The following WNK3 variants were observed in gnomAD, a reference collection of about 807,000 sequenced individuals.
The protein encoded by WNK3 is WNK lysine deficient protein kinase 3, also known as serine/threonine-protein kinase WNK3.
Under a neutral mutation model 116.7 loss-of-function variants are expected in WNK3, and 18 were observed. The ratio of observed to expected loss-of-function variants is 0.15; its 90% CI spans 0.11 to 0.23. The LOEUF is 0.23. WNK3 is among the 10% of genes least tolerant of loss of function. The pLI is 1.00. For missense variants in WNK3, 993 were observed against 1,323.8 expected, an observed-to-expected ratio of 0.75 and a Z score of 3.88; for synonymous variants, 404 against 469.4, an observed-to-expected ratio of 0.86 and a Z score of 1.80.
chrX:54,254,160 G>A lies in WNK3; in HGVS notation c.2251-85C>T, dbSNP rs782673801. On this transcript the variant is annotated intron_variant, in intron 12 of 23. Transcript: ENST00000354646. Reference sequence around the variant, plus strand: ...GCAAGGAACATCTACACTAGTTCACGTACAATATATGTGGAAAATGGCTTA... The same window carrying A: ...GCAAGGAACATCTACACTAGTTCACATACAATATATGTGGAAAATGGCTTA... 59 of 545,933 alleles carry A rather than the reference G, an allele frequency of 1.1e-4. No individual in the cohort carries two copies. The Admixed American group carries it at 1.2e-3, about 11-fold the overall frequency. The allele number at this position is 545,933 out of a possible 1,213,427, so 45.0% of individuals were successfully genotyped here. A position where few individuals can be genotyped will look rare whatever the true frequency, so the allele number is the denominator to read the frequency against.
At chrX:54,321,032 G>A (rs1481226247) in intron 2 of WNK3, among the ~76,000 whole-genome samples, 1 of 109,954 alleles carries the variant, frequency 9.1e-6, no homozygotes. Flanking sequence ...GAGTAGCTGG[G>A]ATTACAGGCA....
intron 10 of WNK3, among the ~76,000 whole-genome samples, chrX:54,275,560 CA>C (rs1229762209): frequency 4.8e-5 from 5 of 105,073 alleles, no homozygotes; most frequent in African/African-American, 1.7e-4. Context: ...CATGACCAAG[CA>C]AAAGAAAACC....
intron 22 of WNK3, among the ~76,000 whole-genome samples, chrX:54,225,447 C>G (rs1318719934): frequency 3.7e-5 from 4 of 107,805 alleles, no homozygotes; most frequent in Non-Finnish European, 7.7e-5. Flanking sequence ...ATGGCAAAAC[C>G]CTGTCTCTAC....
chrX:54,331,521 A>T (rs1557174269), intron 2 of WNK3, among the ~76,000 whole-genome samples: 1 of 110,532 alleles, frequency 9.0e-6, no homozygotes, highest in Admixed American at 9.8e-5. Context: ...TTTCTACTAC[A>T]ATGTATACCA....
At chrX:54,330,881 C>T (rs2069161600) in intron 2 of WNK3, among the ~76,000 whole-genome samples, 1 of 110,282 alleles carries the variant, frequency 9.1e-6, no homozygotes. Flanking sequence ...GGAGTGGTGG[C>T]ACACACCTGT....
intron 2 of WNK3, among the ~76,000 whole-genome samples, chrX:54,321,494 G>A (rs895714750): frequency 1.8e-5 from 2 of 111,228 alleles, no homozygotes; most frequent in African/African-American, 3.3e-5. Flanking sequence ...TCCATGGAGA[G>A]ATGGTGTAGT....
exon 10 of WNK3, chrX:54,292,979 G>A: frequency 8.3e-7 from 1 of 1,210,970 alleles, no homozygotes; most frequent in Non-Finnish European, 1.1e-6. Context: ...TAAAACAGTG[G>A]ACTGACCTTG....
chrX:54,202,315 C>T (rs1005194621), intron 22 of WNK3, 122 bp from the exon 23 acceptor site: 3 of 589,744 alleles, frequency 5.1e-6, no homozygotes, highest in Non-Finnish European at 7.8e-6. Flanking sequence ...TTAGGGTGAA[C>T]ACACACTCTA....
chrX:54,251,742 A>C (rs2068132418), intron 13 of WNK3, 55 bp from the exon 14 acceptor site: 10 of 1,099,539 alleles, frequency 9.1e-6, no homozygotes, highest in Admixed American at 2.6e-5. Context: ...CAAAGTTATA[A>C]TATTATATAA....
At chrX:54,334,226 G>A (rs1029467392) in intron 1 of WNK3, among the ~76,000 whole-genome samples, 3 of 111,377 alleles carry the variant, frequency 2.7e-5, no homozygotes, top group Non-Finnish European at 5.6e-5. Context: ...TATACATATC[G>A]TCAAATTTAC....
chrX:54,258,081 C>T (rs1224817874), intron 11 of WNK3, among the ~76,000 whole-genome samples: 1 of 108,112 alleles, frequency 9.2e-6, no homozygotes, highest in Non-Finnish European at 1.9e-5. Context: ...AGTTTGAGAC[C>T]AGCCTGGCCA....
At chrX:54,264,049 T>C (rs1196426960) in intron 10 of WNK3, among the ~76,000 whole-genome samples, 1 of 106,942 alleles carries the variant, frequency 9.4e-6, no homozygotes, top group African/African-American at 3.4e-5. Flanking sequence ...TAAAAAAAAT[T>C]TGGGCCAGGT....
exon 10 of WNK3, chrX:54,293,014 A>G: frequency 8.3e-7 from 1 of 1,210,737 alleles, no homozygotes. Context: ...TCTGCGGCTG[A>G]GTCAGCTTTG....
intron 22 of WNK3, among the ~76,000 whole-genome samples, chrX:54,218,712 T>C (rs1231233559): frequency 1.8e-5 from 2 of 109,736 alleles, no homozygotes; most frequent in Non-Finnish European, 3.8e-5. Context: ...GGTGAAACCC[T>C]GCCTCTACTA....
At chrX:54,215,277 C>T (rs1005313604) in intron 22 of WNK3, among the ~76,000 whole-genome samples, 5 of 111,305 alleles carry the variant, frequency 4.5e-5, no homozygotes, top group Non-Finnish European at 5.7e-5. Flanking sequence ...TCTTGGCTCA[C>T]GGCAACCTCC....
intron 11 of WNK3, among the ~76,000 whole-genome samples, chrX:54,258,714 A>C (rs1392251331): frequency 9.3e-6 from 1 of 107,016 alleles, no homozygotes; most frequent in Non-Finnish European, 1.9e-5. Context: ...ATGAAAAAAA[A>C]CCAAAATCTT....
exon 20 of WNK3, chrX:54,236,980 T>A: frequency 8.3e-7 from 1 of 1,209,764 alleles, no homozygotes; most frequent in Non-Finnish European, 1.1e-6. Context: ...GTCCTCATCC[T>A]CTATTTCTGA....
chrX:54,325,912 C>T (rs1232998739), intron 2 of WNK3, among the ~76,000 whole-genome samples: 3 of 109,874 alleles, frequency 2.7e-5, no homozygotes, highest in Non-Finnish European at 5.7e-5. Context: ...CTTTCAGTAA[C>T]ATGTGACCAA....
chrX:54,241,247 A>C (rs1344016742), intron 17 of WNK3, among the ~76,000 whole-genome samples: 2 of 112,021 alleles, frequency 1.8e-5, no homozygotes, highest in South Asian at 3.7e-4. Flanking sequence ...TACAAAATAC[A>C]GTGCCAGGGA....
Sources: allele counts gnomAD v4.1 joint callset (sites outside exome capture counted in the v4.1 genomes callset), GRCh38; gene constraint gnomAD v4.1.1; transcripts MANE v1.5; gene names NCBI Gene and HGNC (gene_info 2026-07-23, HGNC 2026-07-21).